ITGB5: variants seen among roughly 807,000 people sequenced by gnomAD.
ITGB5 encodes the protein integrin beta-5.
Under a neutral mutation model 84.8 loss-of-function variants are expected in ITGB5, and 38 were observed. The ratio of observed to expected loss-of-function variants is 0.45; its 90% CI spans 0.35 to 0.59. The LOEUF is 0.59. ITGB5 is among the 20% of genes least tolerant of loss of function. ITGB5 has a pLI of 0.01. For synonymous variants in ITGB5, 393 were observed against 414.4 expected (o/e 0.95, Z 0.63); for missense variants, 905 against 1,034.5 (o/e 0.87, Z 1.72).
chr3:124,788,334 T>C (rs1248818593), intron 10 of ITGB5, among the ~76,000 whole-genome samples: 1 of 152,182 alleles, frequency 6.6e-6, no homozygotes, highest in African/African-American at 2.4e-5. Flanking sequence ...CTTTCCATTA[T>C]ATAAGGAGGC....
At chr3:124,853,794 T>G (rs1226062845) in intron 3 of ITGB5, among the ~76,000 whole-genome samples, 1 of 152,198 alleles carries the variant, frequency 6.6e-6, no homozygotes, top group Non-Finnish European at 1.5e-5. Flanking sequence ...TAAGATGCTA[T>G]CATTGAGGAC....
chr3:124,764,635 G>A, intron 13 of ITGB5, 78 bp from the exon 14 acceptor site: 1 of 1,445,600 alleles, frequency 6.9e-7, no homozygotes, highest in East Asian at 2.4e-5. Flanking sequence ...GCATTTCTGA[G>A]ATGAAAGTTG....
upstream of ITGB5, chr3:124,887,563 G>T (rs1003438218): frequency 1.8e-5 from 5 of 275,094 alleles, no homozygotes; most frequent in Non-Finnish European, 3.8e-5. Context: ...GGACGCGGAG[G>T]CCCTACGGGC....
chr3:124,852,016 A>G (rs1427047403), intron 3 of ITGB5, among the ~76,000 whole-genome samples: 1 of 152,120 alleles, frequency 6.6e-6, no homozygotes, highest in African/African-American at 2.4e-5. Flanking sequence ...ATGTTTTCCA[A>G]CTTTGGGTAC....
intron 10 of ITGB5, among the ~76,000 whole-genome samples, chr3:124,776,855 T>C (rs2063933024): frequency 6.7e-6 from 1 of 149,628 alleles, no homozygotes; most frequent in Non-Finnish European, 1.5e-5. Context: ...GTCAAAGGTT[T>C]GGAGGTAGCC....
intron 2 of ITGB5, among the ~76,000 whole-genome samples, chr3:124,861,495 T>TATACACACAC (rs750712591): frequency 0.011 from 1,239 of 111,946 alleles, 25 homozygotes; most frequent in African/African-American, 0.041. Context: ...TATATATATA[T>TATACACACAC]ACACACACAC....
intron 3 of ITGB5, among the ~76,000 whole-genome samples, chr3:124,854,751 T>C (rs1306602149): frequency 6.6e-6 from 1 of 152,196 alleles, no homozygotes; most frequent in Non-Finnish European, 1.5e-5. Context: ...TTAGTGAATT[T>C]TATGGTCTGT....
intron 1 of ITGB5, among the ~76,000 whole-genome samples, chr3:124,884,224 G>GAAAAAAAAAAAAAAAAAAAAAAAA (rs34509849): frequency 6.9e-6 from 1 of 145,434 alleles, no homozygotes. Flanking sequence ...AAAAAAAAAA[G>GAAAAAAAAAAAAAAAAAAAAAAAA]AAAAAAAAAA....
chr3:124,788,703 G>A (rs554062705), intron 10 of ITGB5, among the ~76,000 whole-genome samples: 38 of 152,170 alleles, frequency 2.5e-4, no homozygotes, highest in Non-Finnish European at 5.3e-4. Flanking sequence ...GGCTTCCTTT[G>A]GGAGAGAGGG....
At chr3:124,797,744 G>C (rs556315771) in intron 9 of ITGB5, among the ~76,000 whole-genome samples, 3 of 152,254 alleles carry the variant, frequency 2.0e-5, no homozygotes, top group African/African-American at 7.2e-5. Context: ...CCCCTGAGGA[G>C]AGCCATGTGG....
intron 10 of ITGB5, among the ~76,000 whole-genome samples, chr3:124,785,890 TA>T (rs2064075681): frequency 6.6e-6 from 1 of 152,046 alleles, no homozygotes; most frequent in African/African-American, 2.4e-5. Context: ...AAATGTAGGC[TA>T]AGTGCCAGGG....
At chr3:124,821,284 G>A (rs1408929348) in intron 6 of ITGB5, 29 bp downstream of exon 6, 1 of 1,596,350 alleles carries the variant, frequency 6.3e-7, no homozygotes, top group Non-Finnish European at 8.5e-7. Flanking sequence ...GAGGCAACAG[G>A]GAGGGGGGAT....
intron 1 of ITGB5, among the ~76,000 whole-genome samples, chr3:124,893,431 TTAAC>T (rs1325857909): frequency 6.6e-6 from 1 of 152,146 alleles, no homozygotes; most frequent in Non-Finnish European, 1.5e-5. Flanking sequence ...ATTAAAATGA[TTAAC>T]TTTTTATTTG....
chr3:124,887,064 T>TGGGGCCGGAGCGCGGGGGCCG lies in ITGB5; in HGVS notation c.-85_-65dup, dbSNP rs1232691429. 1.3e-6 allele frequency: 1 copy of TGGGGCCGGAGCGCGGGGGCCG among 761,214 alleles called. No individual in the cohort carries two copies. The highest frequency in any genetic ancestry group is 1.6e-6 in the Non-Finnish European group (1 of 622,920). The allele number at this position is 761,214 out of a possible 1,614,324, so 47.2% of individuals were successfully genotyped here. Reference sequence around the variant, plus strand: ...CTCCGCGGGGGCCGGCGGCCGGGGCTGGGGCCGGAGCGCGGGGGCCGAGGG... The same window carrying TGGGGCCGGAGCGCGGGGGCCG: ...CTCCGCGGGGGCCGGCGGCCGGGGCTGGGGCCGGAGCGCGGGGGCCGGGGGCCGGAGCGCGGGGGCCGAGGG... On this transcript the variant is annotated 5_prime_UTR_variant, in exon 1 of 15. Transcript: ENST00000296181.
chr3:124,849,043 G>C (rs2065117102), intron 3 of ITGB5, among the ~76,000 whole-genome samples: 2 of 152,068 alleles, frequency 1.3e-5, no homozygotes, highest in African/African-American at 4.8e-5. Flanking sequence ...GCCTCCCAAA[G>C]TGCTGGGATT....
At chr3:124,769,305 G>A in intron 11 of ITGB5, 192 bp from the exon 12 acceptor site, 1 of 560,116 alleles carries the variant, frequency 1.8e-6, no homozygotes, top group Non-Finnish European at 3.2e-6. Context: ...TCTTGGAGGA[G>A]CCTGTGTGAG....
chr3:124,818,599 T>C (rs2064646413), intron 7 of ITGB5, among the ~76,000 whole-genome samples: 1 of 134,550 alleles, frequency 7.4e-6, no homozygotes, highest in African/African-American at 2.8e-5. Context: ...CGGCAACCTC[T>C]GCCCCCTGGG....
chr3:124,888,026 C>T (rs1934908166), upstream of ITGB5, among the ~76,000 whole-genome samples: 2 of 151,554 alleles, frequency 1.3e-5, no homozygotes, highest in South Asian at 2.1e-4. Flanking sequence ...AAAGGTTCCT[C>T]CACCTTAGCC....
intron 5 of ITGB5, among the ~76,000 whole-genome samples, chr3:124,825,955 G>C (rs2064779825): frequency 2.6e-5 from 4 of 152,104 alleles, no homozygotes; most frequent in Admixed American, 2.6e-4. Flanking sequence ...AATAAACTCA[G>C]ATATCTCCTC....
Sources: gnomAD v4.1 joint callset for allele counts (sites outside exome capture counted in the v4.1 genomes callset) on GRCh38, gnomAD v4.1.1 for gene constraint, MANE v1.5 for transcripts, NCBI Gene and HGNC (gene_info 2026-07-23, HGNC 2026-07-21) for gene names.